Variants in FANCA observed in about 807,000 individuals in gnomAD.
The protein encoded by FANCA is Fanconi anemia group A protein.
FANCA carries 236 observed loss-of-function variants against 194.3 expected under a neutral mutation model. That is an observed-to-expected ratio of 1.21 (90% CI 1.09 to 1.35). FANCA has a LOEUF of 1.35. Ranked by LOEUF, FANCA falls within the 40% of genes most tolerant of loss-of-function variation. FANCA has a pLI of 0.00. For synonymous variants in FANCA, 1,014 were observed against 715.8 expected, an observed-to-expected ratio of 1.42 and a Z score of -6.65; for missense variants, 2,628 against 1,813.9, an observed-to-expected ratio of 1.45 and a Z score of -8.15.
chr16:89,813,527 C>T (rs182038538), intron 3 of FANCA, among the ~76,000 whole-genome samples: 33 of 152,156 alleles, frequency 2.2e-4, no homozygotes, highest in African/African-American at 4.6e-4. Context: ...CTGCCTCCCA[C>T]GTTCAAGCAA....
At chr16:89,794,362 C>G (rs1474773530) in intron 11 of FANCA, among the ~76,000 whole-genome samples, 1 of 151,918 alleles carries the variant, frequency 6.6e-6, no homozygotes, top group African/African-American at 2.4e-5. Context: ...CCAGCCTGGC[C>G]AAGATGGTGA....
At chr16:89,747,549 C>G (rs1009822776) in intron 33 of FANCA, among the ~76,000 whole-genome samples, 3 of 151,874 alleles carry the variant, frequency 2.0e-5, no homozygotes, top group African/African-American at 7.3e-5. Context: ...AAATACAAAA[C>G]TTAGCCGGTC....
At chr16:89,754,806 G>A (rs1415462662) in intron 30 of FANCA, among the ~76,000 whole-genome samples, 1 of 152,194 alleles carries the variant, frequency 6.6e-6, no homozygotes, top group Non-Finnish European at 1.5e-5. Flanking sequence ...CAAAAGGAAA[G>A]AAGACTCGCT....
intron 8 of FANCA, among the ~76,000 whole-genome samples, chr16:89,800,606 AG>A (rs2040412052): frequency 1.3e-5 from 2 of 152,268 alleles, no homozygotes; most frequent in Non-Finnish European, 2.9e-5. Context: ...AGCAATCCTG[AG>A]GAAAAAGAAC....
chr16:89,806,284 TG>T (rs2040640011), intron 6 of FANCA, among the ~76,000 whole-genome samples: 2 of 151,830 alleles, frequency 1.3e-5, no homozygotes, highest in African/African-American at 4.8e-5. Context: ...CTGCTACTAC[TG>T]GGTAGAGTGC....
intron 14 of FANCA, among the ~76,000 whole-genome samples, chr16:89,789,309 G>A (rs111991096): frequency 2.5e-4 from 38 of 151,036 alleles, no homozygotes; most frequent in South Asian, 4.2e-4. Flanking sequence ...GAAGGCCTGG[G>A]GGGGGAGCAG....
chr16:89,755,125 T>C (rs1285988583), intron 30 of FANCA, among the ~76,000 whole-genome samples: 1 of 151,778 alleles, frequency 6.6e-6, no homozygotes, highest in Non-Finnish European at 1.5e-5. Flanking sequence ...GACCATTCAG[T>C]GGGGAAAGAA....
chr16:89,785,429 C>T (rs1362207933), intron 14 of FANCA, among the ~76,000 whole-genome samples: 1 of 152,172 alleles, frequency 6.6e-6, no homozygotes, highest in Non-Finnish European at 1.5e-5. Flanking sequence ...AACTTCTAAC[C>T]TCATCCACCA....
At chr16:89,809,095 A>ATG (rs2040778392) in intron 5 of FANCA, among the ~76,000 whole-genome samples, 1 of 151,706 alleles carries the variant, frequency 6.6e-6, no homozygotes, top group Non-Finnish European at 1.5e-5. Flanking sequence ...TTTAGTAGAG[A>ATG]CGGGGTTTCA....
At position 89,814,528 on chromosome 16, in the gene FANCA, G is replaced by C. The variant is rs1183559927; in HGVS notation, c.275C>G (p.Ser92Ter). 6.2e-7 allele frequency: 1 copy of C among 1,610,396 alleles called. No homozygotes were observed. The highest frequency in any genetic ancestry group is 8.5e-7 in the Non-Finnish European group (1 of 1,176,720). ...SSEAYANHSS[S>*]FIGSALQDQA... ...ATGAAGCTATAACTTACCTATAAAT[G>C]AACTAGAATGATTAGCATAGGCCTC... Residue 92 changes from serine (S) to a stop codon, truncating the protein, a stop_gained, in exon 3 of 43, where the codon TCA becomes TGA. Coordinates refer to ENST00000389301, the MANE Select transcript of FANCA (RefSeq NM_000135.4). LOFTEE classifies it high-confidence loss of function.
chr16:89,782,410 C>G lies in FANCA; in HGVS notation c.1626+449G>C, dbSNP rs1454367002. On this transcript the variant is annotated intron_variant, in intron 17 of 42. Transcript: ENST00000389301. ...CCTGTAGTCCCAGCTACTCTGGAGGCTGAGGCAGGAGAATGGCGTGAACCC... is the reference window on the plus strand; with the variant it reads ...CCTGTAGTCCCAGCTACTCTGGAGGGTGAGGCAGGAGAATGGCGTGAACCC... Among the ~76,000 whole-genome samples the G allele has an allele frequency of 2.0e-5, 3 of 151,532 alleles. No homozygotes were observed. The East Asian group carries it at 5.8e-4, about 29-fold the overall frequency.
chr16:89,748,691 C>T lies in FANCA; in HGVS notation c.3316G>A (p.Glu1106Lys), dbSNP rs777825824. ...QAEQPITARC[E>K]QFFHLVNSEM... Reference sequence around the variant, plus strand: ...GAGTTGACCAAGTGGAAGAACTGCTCGCATCTGGCAGTGATGGGCTGTTCT... The same window carrying T: ...GAGTTGACCAAGTGGAAGAACTGCTTGCATCTGGCAGTGATGGGCTGTTCT... Residue 1106 changes from glutamate to lysine, a missense_variant, in exon 33 of 43, where the codon GAG (glutamate) becomes AAG (lysine). Physicochemically the swap from Glu to Lys is moderately conservative, Grantham distance 56. Coordinates refer to ENST00000389301, the MANE Select transcript of FANCA (RefSeq NM_000135.4). 32 of 1,614,106 alleles carry T rather than the reference C, an allele frequency of 2.0e-5. No individual in the cohort carries two copies. The highest frequency in any genetic ancestry group is 4.0e-5 in the African/African-American group (3 of 75,062).
In FANCA at chr16:89,758,609, A is replaced by C. The variant is rs188695241; in HGVS notation, c.2949T>G (p.Ile983Met). The change falls in exon 30 of 43, where the codon ATT becomes ATG. Residue 983 changes from isoleucine to methionine, a missense_variant. By Grantham distance (10) the Ile-to-Met change is conservative (BLOSUM62 1). Coordinates refer to ENST00000389301, the MANE Select transcript of FANCA (RefSeq NM_000135.4). ...CDGDLQAACT[I>M]LVNALMDFHQ... The stretch of plus-strand genomic sequence containing the variant: ...GGAAATCCATCAGTGCGTTGACAAG[A>C]ATGGTACACGCAGCCTGCAGGTCTC... The C allele has an allele frequency of 3.5e-5, 57 of 1,614,006 alleles. No homozygotes were observed. In the African/African-American group the frequency reaches 5.7e-4, roughly 16 times the overall value.
chr16:89,749,414 A>G (rs1208931967), intron 32 of FANCA, among the ~76,000 whole-genome samples: 1 of 152,220 alleles, frequency 6.6e-6, no homozygotes, highest in Non-Finnish European at 1.5e-5. Context: ...TTTAGTAGAC[A>G]TGGCGTTTCG....
chr16:89,767,306 T>A, intron 26 of FANCA, 69 bp from the exon 27 acceptor site: 1 of 1,140,666 alleles, frequency 8.8e-7, no homozygotes, highest in Middle Eastern at 2.1e-4. Flanking sequence ...AAAGTTACTT[T>A]GAATTTCATA....
intron 8 of FANCA, 137 bp downstream of exon 8, chr16:89,803,122 C>T: frequency 1.2e-6 from 1 of 846,404 alleles, no homozygotes; most frequent in East Asian, 2.5e-5. Flanking sequence ...ACACTCTATG[C>T]ACAAAACAAG....
At chr16:89,814,411 A>G in intron 3 of FANCA, 109 bp downstream of exon 3, 1 of 811,522 alleles carries the variant, frequency 1.2e-6, no homozygotes, top group Non-Finnish European at 2.0e-6. Context: ...ACACCAGTGG[A>G]AACCCATCGC....
Position 89,746,628 on chromosome 16 carries a change from C to T in FANCA, c.3469G>A (p.Ala1157Thr), listed in dbSNP as rs1347794550. 2 of 1,614,154 alleles carry T rather than the reference C, an allele frequency of 1.2e-6. No individual in the cohort carries two copies. Among genetic ancestry groups the T allele is most frequent in the Non-Finnish European group, 1.7e-6 (2 of 1,180,014 alleles). The change falls in exon 35 of 43, where the codon GCC becomes ACC. Residue 1157 changes from alanine (A) to threonine (T), a missense_variant. Transcript: ENST00000389301. ...DPSLMVDFIL[A>T]KCQTKCPLIL... ...AAGGGGCATTTCGTCTGGCACTTGGCCAGTATGAAGTCGACCATCAGGGAG... is the reference window on the plus strand; with the variant it reads ...AAGGGGCATTTCGTCTGGCACTTGGTCAGTATGAAGTCGACCATCAGGGAG...
rs780637505 is a variant in FANCA, at chr16:89,738,070, G to A, written c.*531C>T. 1 of 1,614,118 alleles carries A rather than the reference G, an allele frequency of 6.2e-7. No individual in the cohort carries two copies. The highest frequency in any genetic ancestry group is 1.7e-5 in the Admixed American group (1 of 60,028). ...TGAGACTGAGCTGGACTTTGCCTGT[G>A]ACCAGTGTGGCCGGCGGTTTGAGAA... On this transcript the variant is annotated 3_prime_UTR_variant, in exon 43 of 43. Transcript: ENST00000389301.
Sources: gnomAD v4.1 joint callset for allele counts (sites outside exome capture counted in the v4.1 genomes callset) on GRCh38, gnomAD v4.1.1 for gene constraint, MANE v1.5 for transcripts, NCBI Gene and HGNC (gene_info 2026-07-23, HGNC 2026-07-21) for gene names.